Variants in IMPG1 observed in about 807,000 individuals in gnomAD.
IMPG1 encodes the protein interphotoreceptor matrix proteoglycan of 150 kDa.
In IMPG1, 85 loss-of-function variants were observed where a neutral mutation model predicts 92.0. That is an observed-to-expected ratio of 0.92 (90% CI 0.78 to 1.11). The LOEUF is 1.11. Among genes scored for constraint, IMPG1 ranks in the 50% least tolerant of loss-of-function variants. IMPG1 has a pLI of 0.00. For missense variants in IMPG1, 1,022 were observed against 956.0 expected (o/e 1.07, Z -0.91); for synonymous variants, 367 against 334.1 (o/e 1.10, Z -1.08).
intron 12 of IMPG1, among the ~76,000 whole-genome samples, chr6:75,961,072 G>T (rs1214887563): frequency 6.6e-6 from 1 of 152,180 alleles, no homozygotes. Flanking sequence ...GAGGTATGTG[G>T]GTGGGAGATG....
intron 12 of IMPG1, among the ~76,000 whole-genome samples, chr6:75,981,480 A>T (rs150494166): frequency 7.2e-5 from 11 of 152,380 alleles, no homozygotes; most frequent in African/African-American, 2.6e-4. Flanking sequence ...AGAACTTGTT[A>T]AAAAGCAAAT....
At chr6:75,985,923 A>G (rs1311266582) in intron 12 of IMPG1, among the ~76,000 whole-genome samples, 4 of 152,210 alleles carry the variant, frequency 2.6e-5, no homozygotes, top group African/African-American at 9.6e-5. Context: ...ACATTGCCTG[A>G]TCTGTTGGTG....
At chr6:75,929,144 A>T (rs1449666863) in intron 15 of IMPG1, among the ~76,000 whole-genome samples, 1 of 151,866 alleles carries the variant, frequency 6.6e-6, no homozygotes, top group Non-Finnish European at 1.5e-5. Flanking sequence ...AGAGTACCTG[A>T]GTCAAATTTA....
chr6:76,070,217 A>G (rs1474361242), intron 1 of IMPG1, among the ~76,000 whole-genome samples: 2 of 152,202 alleles, frequency 1.3e-5, no homozygotes, highest in African/African-American at 2.4e-5. Flanking sequence ...GCCAACAAAC[A>G]TATGAAAGAA....
intron 15 of IMPG1, among the ~76,000 whole-genome samples, 177 bp downstream of exon 15, chr6:75,930,776 G>A (rs1781652226): frequency 6.6e-6 from 1 of 152,146 alleles, no homozygotes; most frequent in Non-Finnish European, 1.5e-5. Flanking sequence ...TCAGAAACAG[G>A]GCATAGTAGG....
At chr6:76,039,166 T>C (rs976616877) in intron 2 of IMPG1, among the ~76,000 whole-genome samples, 1 of 152,194 alleles carries the variant, frequency 6.6e-6, no homozygotes, top group Non-Finnish European at 1.5e-5. Flanking sequence ...GAATTTTACC[T>C]GGGGAACTTG....
intron 13 of IMPG1, among the ~76,000 whole-genome samples, chr6:75,949,140 GC>G (rs1261324829): frequency 6.6e-6 from 1 of 152,180 alleles, no homozygotes; most frequent in Non-Finnish European, 1.5e-5. Context: ...TTTGTCAGAG[GC>G]AGGTGAACCA....
Position 75,926,713 on chromosome 6 carries a change from C to T in IMPG1, c.2244-3007G>A, listed in dbSNP as rs116398940. Among the ~76,000 whole-genome samples, 1,257 of 150,164 alleles carry T rather than the reference C, an allele frequency of 8.4e-3. 18 individuals carry two copies. The highest frequency in any genetic ancestry group is 0.028 in the African/African-American group (1,160 of 41,132). ...TACTGATAATTGTGAGTAATAAAAG[C>T]CTAACTGATTACACCAAAAAAAGGA... On this transcript the variant is annotated intron_variant, in intron 15 of 16. Transcript: ENST00000369950.
chr6:75,993,727 T>C (rs1782853081), intron 12 of IMPG1, among the ~76,000 whole-genome samples: 1 of 152,220 alleles, frequency 6.6e-6, no homozygotes, highest in Non-Finnish European at 1.5e-5. Context: ...ACATGATAAC[T>C]GAGTGATATA....
At position 76,007,552 on chromosome 6, in the gene IMPG1, G is replaced by T. The variant is rs375782935; in HGVS notation, c.867-52C>A. 245 of 1,242,030 alleles carry T rather than the reference G, an allele frequency of 2.0e-4. No homozygotes were observed. In the African/African-American group the frequency reaches 3.5e-3, roughly 18 times the overall value. 76.9% of individuals were successfully genotyped at this position (1,242,030 alleles called of 1,614,324 possible). On this transcript the variant is annotated intron_variant, in intron 8 of 16. Transcript: ENST00000369950. ...CATGAAAAAGAGAAAAAAATTTAAT[G>T]ACATTTATTGAGACATTCAATGAAT...
Position 75,947,383 on chromosome 6 carries a change from C to T in IMPG1, c.1975G>A (p.Asp659Asn), listed in dbSNP as rs1175532583. The T allele has an allele frequency of 6.2e-7, 1 of 1,613,864 alleles. No individual in the cohort carries two copies. Among genetic ancestry groups the T allele is most frequent in the East Asian group, 2.2e-5 (1 of 44,888 alleles). The change falls in exon 14 of 17, where the codon GAT (aspartate) becomes AAT (asparagine). Residue 659 changes from aspartate (D) to asparagine (N), a missense_variant. Transcript: ENST00000369950. ...TGTTGGGCTGCAGCAGAACGAAAAT[C>T]CTCCAAGACCCCGTGCACAGCCTTG... ...LTKAVHGVLE[D>N]FRSAAAQQLH... is the part of the protein sequence containing the mutation.
chr6:76,022,039 T>A, intron 6 of IMPG1, 77 bp downstream of exon 6: 1 of 752,778 alleles, frequency 1.3e-6, no homozygotes, highest in Non-Finnish European at 2.3e-6. Flanking sequence ...GGATGGTTTA[T>A]CCATTCTCTT....
intron 4 of IMPG1, among the ~76,000 whole-genome samples, chr6:76,025,942 G>A (rs1278505852): frequency 6.6e-6 from 1 of 152,182 alleles, no homozygotes; most frequent in Non-Finnish European, 1.5e-5. Flanking sequence ...GAGTAGTGGT[G>A]AGAGAGCCAG....
At chr6:75,999,989 G>T (rs1324287987) in intron 12 of IMPG1, among the ~76,000 whole-genome samples, 3 of 152,198 alleles carry the variant, frequency 2.0e-5, no homozygotes, top group Admixed American at 6.5e-5. Context: ...ACTTGACACT[G>T]GTTTTACACA....
Position 75,931,069 on chromosome 6 carries a change from C to A in IMPG1, c.2127G>T (p.Glu709Asp). 6.2e-7 allele frequency: 1 copy of A among 1,614,196 alleles called. No homozygotes were observed. The highest frequency in any genetic ancestry group is 8.5e-7 in the Non-Finnish European group (1 of 1,180,030). ...TGTCATATCCTGGTTTGCAGCGACACTCCGCTTCCTCAGTCCGTTCGTTCT... is the reference window on the plus strand; with the variant it reads ...TGTCATATCCTGGTTTGCAGCGACAATCCGCTTCCTCAGTCCGTTCGTTCT... ...CVKNERTEEAECRCKPGYDSQ... is the reference protein window; with the variant it reads ...CVKNERTEEADCRCKPGYDSQ... Residue 709 changes from glutamate (E) to aspartate (D), a missense_variant, in exon 15 of 17, where the codon GAG becomes GAT. This residue lies in a region of IMPG1 where 332 missense variants were observed against 346.2 expected (regional missense o/e 0.96). Coordinates refer to ENST00000369950, the MANE Select transcript of IMPG1 (RefSeq NM_001563.4).
chr6:75,927,585 G>A (rs1781577501), intron 15 of IMPG1, among the ~76,000 whole-genome samples: 1 of 152,094 alleles, frequency 6.6e-6, no homozygotes, highest in Non-Finnish European at 1.5e-5. Flanking sequence ...GGGGCAACGG[G>A]TTTGTCCTCA....
At chr6:75,990,660 T>A (rs1782799523) in intron 12 of IMPG1, among the ~76,000 whole-genome samples, 1 of 150,880 alleles carries the variant, frequency 6.6e-6, no homozygotes, top group Admixed American at 6.6e-5. Flanking sequence ...ATATTTAAGG[T>A]CAGATGGATG....
chr6:75,990,506 C>A (rs1231953212), intron 12 of IMPG1, among the ~76,000 whole-genome samples: 3 of 151,798 alleles, frequency 2.0e-5, no homozygotes, highest in African/African-American at 4.8e-5. Context: ...ATAATCCCCA[C>A]ATTTTGGGAG....
intron 1 of IMPG1, among the ~76,000 whole-genome samples, chr6:76,056,228 T>C (rs1784118304): frequency 6.6e-6 from 1 of 152,156 alleles, no homozygotes; most frequent in African/African-American, 2.4e-5. Flanking sequence ...GGAGAAAAAC[T>C]ATTTGGCAAT....
Sources: allele counts gnomAD v4.1 joint callset (sites outside exome capture counted in the v4.1 genomes callset), GRCh38; gene constraint gnomAD v4.1.1; regional missense constraint gnomAD v4.1.1; transcripts MANE v1.5; gene names NCBI Gene and HGNC (gene_info 2026-07-23, HGNC 2026-07-21).